MAP3K1: variants seen among roughly 807,000 people sequenced by gnomAD.
The protein encoded by MAP3K1 is mitogen-activated protein kinase kinase kinase 1, also known as MAP/ERK kinase kinase 1.
In MAP3K1, 36 loss-of-function variants were observed where a neutral mutation model predicts 144.2. The observed-to-expected ratio is 0.25, with a 90% confidence interval of 0.19 to 0.33. The LOEUF is 0.33. MAP3K1 is among the 10% of genes least tolerant of loss of function. MAP3K1 has a pLI of 1.00. For synonymous variants in MAP3K1, 718 were observed against 688.7 expected, an observed-to-expected ratio of 1.04 and a Z score of -0.67; for missense variants, 1,650 against 1,881.9, an observed-to-expected ratio of 0.88 and a Z score of 2.28.
intron 1 of MAP3K1, among the ~76,000 whole-genome samples, chr5:56,854,123 C>T (rs926648249): frequency 6.6e-6 from 1 of 152,102 alleles, no homozygotes; most frequent in Non-Finnish European, 1.5e-5. Context: ...TTTAACCCAG[C>T]ATTTCCATTT....
At chr5:56,840,871 T>G (rs911011237) in intron 1 of MAP3K1, among the ~76,000 whole-genome samples, 35 of 104,636 alleles carry the variant, frequency 3.3e-4, no homozygotes, top group African/African-American at 1.2e-3. Context: ...ATTGTTAAGG[T>G]TTTTTTTTTT....
chr5:56,891,546 G>A (rs1358693098), intron 19 of MAP3K1, among the ~76,000 whole-genome samples: 1 of 152,154 alleles, frequency 6.6e-6, no homozygotes, highest in East Asian at 1.9e-4. Flanking sequence ...AGTTTAATTA[G>A]ATCCCATTTG....
chr5:56,815,733 C>A lies in MAP3K1; in HGVS notation c.160C>A (p.Arg54=). ...LREAGSGGRE[R]ADWRRRQLRK... is the part of the protein sequence containing the mutation. ...GGAGGCGGGCAGCGGGGGCCGCGAGCGGGCGGACTGGCGGCGGCGGCAGCT... is the reference window on the plus strand; with the variant it reads ...GGAGGCGGGCAGCGGGGGCCGCGAGAGGGCGGACTGGCGGCGGCGGCAGCT... Residue 54 remains arginine (R), a synonymous_variant, in exon 1 of 20, where the codon CGG becomes AGG. Transcript: ENST00000399503. 1 of 1,344,254 alleles carries A rather than the reference C, an allele frequency of 7.4e-7. No individual in the cohort carries two copies. Among genetic ancestry groups the A allele is most frequent in the Non-Finnish European group, 9.6e-7 (1 of 1,046,142 alleles). The allele number at this position is 1,344,254 out of a possible 1,614,324, so 83.3% of individuals were successfully genotyped here.
At chr5:56,830,945 G>T in intron 1 of MAP3K1, among the ~76,000 whole-genome samples, 2 of 150,408 alleles carry the variant, frequency 1.3e-5, no homozygotes. Context: ...CACTATGAGA[G>T]ATTGCCTACA....
chr5:56,877,647 T>G (rs1008057990), intron 10 of MAP3K1, among the ~76,000 whole-genome samples: 6 of 152,132 alleles, frequency 3.9e-5, no homozygotes, highest in Non-Finnish European at 8.8e-5. Flanking sequence ...CACATTAACA[T>G]TAATCACAAT....
intron 1 of MAP3K1, among the ~76,000 whole-genome samples, chr5:56,826,664 C>T (rs78409762): frequency 1.3e-5 from 2 of 152,360 alleles, no homozygotes; most frequent in East Asian, 3.9e-4. Flanking sequence ...TCCCAGCAAG[C>T]TGACAGGTTG....
At chr5:56,887,266 A>C in intron 17 of MAP3K1, 112 bp from the exon 18 acceptor site, 8 of 940,270 alleles carry the variant, frequency 8.5e-6, no homozygotes, top group South Asian at 1.4e-5. Flanking sequence ...TCTGACATGT[A>C]GTTCACTTCT....
Position 56,884,824 on chromosome 5 carries a change from C to T in MAP3K1, c.3980C>T (p.Ala1327Val). Reference protein sequence around the residue: ...SNYNLFIEWMAGGSVAHLLSK... With the variant: ...SNYNLFIEWMVGGSVAHLLSK... ...TACAATCTCTTCATTGAATGGATGG[C>T]AGGTATGTTAATGTTTTAAATTACA... The change falls in exon 16 of 20, where the codon GCA (alanine) becomes GTA (valine). Residue 1327 changes from alanine to valine, a missense_variant and splice_region_variant. Transcript: ENST00000399503. 6.2e-7 allele frequency: 1 copy of T among 1,612,974 alleles called. No individual in the cohort carries two copies. Among genetic ancestry groups the T allele is most frequent in the Non-Finnish European group, 8.5e-7 (1 of 1,179,220 alleles).
In MAP3K1 at chr5:56,893,757, A is replaced by AGCTG. The variant is rs1465328496; in HGVS notation, c.*77_*78insGCTG. Reference sequence around the variant, plus strand: ...AAAACTTGTGGGGAACCACATTGATATTCTACTGGCCATGATGCCACTGAA... The same window carrying AGCTG: ...AAAACTTGTGGGGAACCACATTGATAGCTGTTCTACTGGCCATGATGCCACTGAA... On this transcript the variant is annotated 3_prime_UTR_variant, in exon 20 of 20. Coordinates refer to ENST00000399503, the MANE Select transcript of MAP3K1 (RefSeq NM_005921.2). The AGCTG allele has an allele frequency of 1.3e-6, 2 of 1,496,224 alleles. No homozygotes were observed. Among genetic ancestry groups the AGCTG allele is most frequent in the Non-Finnish European group, 1.8e-6 (2 of 1,086,330 alleles). The allele number at this position is 1,496,224 out of a possible 1,614,324, so 92.7% of individuals were successfully genotyped here. A position where few individuals can be genotyped will look rare whatever the true frequency, so the allele number is the denominator to read the frequency against.
At chr5:56,839,247 C>T (rs1036569312) in intron 1 of MAP3K1, among the ~76,000 whole-genome samples, 11 of 152,192 alleles carry the variant, frequency 7.2e-5, no homozygotes, top group East Asian at 1.9e-4. Context: ...TTGAGAATTT[C>T]GCATAGTCAT....
Position 56,882,086 on chromosome 5 carries a change from C to G in MAP3K1, c.2886C>G (p.Pro962=), listed in dbSNP as rs201198197. 5,864 of 1,614,098 alleles carry G rather than the reference C, an allele frequency of 3.6e-3. 14 individuals are homozygous for G. Among genetic ancestry groups the G allele is most frequent in the Non-Finnish European group, 4.5e-3 (5,293 of 1,180,024 alleles). The change falls in exon 14 of 20, where the codon CCC becomes CCG. Residue 962 remains proline (P), a synonymous_variant. Transcript: ENST00000399503. Reference sequence around the variant, plus strand: ...CAATGGTTCAAACAAAAGGCAGACCCCACAGTCAGTGTTTGAACTCCTCTC... The same window carrying G: ...CAATGGTTCAAACAAAAGGCAGACCGCACAGTCAGTGTTTGAACTCCTCTC... ...PKPMVQTKGR[P]HSQCLNSSPL...
chr5:56,895,137 A>C lies in MAP3K1; in HGVS notation c.*1457A>C. The C allele has an allele frequency of 4.3e-6, 1 of 231,580 alleles. No individual in the cohort carries two copies. The highest frequency in any genetic ancestry group is 8.5e-6 in the Non-Finnish European group (1 of 116,974). 14.3% of individuals were successfully genotyped at this position (231,580 alleles called of 1,614,324 possible). On this transcript the variant is annotated 3_prime_UTR_variant, in exon 20 of 20. Transcript: ENST00000399503. ...ATAAGCTATATATAGAGTACATTTA[A>C]AATGTACAACACAAATTGGAAATAA...
At chr5:56,851,166 G>T (rs752473691) in intron 1 of MAP3K1, among the ~76,000 whole-genome samples, 2 of 152,186 alleles carry the variant, frequency 1.3e-5, no homozygotes, top group East Asian at 3.9e-4. Flanking sequence ...GGCTGGTCTC[G>T]AACTCCCAAC....
rs751740782 is a variant in MAP3K1, at chr5:56,893,586, G to A, written c.4445G>A (p.Arg1482Gln). ...CCTTCACATTTGTCTCCTGGTTTACGAGATGTGGCTCTTCGTTGTTTAGAA... is the reference window on the plus strand; with the variant it reads ...CCTTCACATTTGTCTCCTGGTTTACAAGATGTGGCTCTTCGTTGTTTAGAA... ...SIPSHLSPGL[R>Q]DVALRCLELQ... Residue 1482 changes from arginine (R) to glutamine (Q), a missense_variant, in exon 20 of 20, where the codon CGA (arginine) becomes CAA (glutamine). Arg to Gln is a conservative substitution (Grantham distance 43). Coordinates refer to ENST00000399503, the MANE Select transcript of MAP3K1 (RefSeq NM_005921.2). 1.2e-5 allele frequency: 20 copies of A among 1,613,852 alleles called. No homozygotes were observed. The highest frequency in any genetic ancestry group is 2.2e-5 in the East Asian group (1 of 44,894).
chr5:56,815,716 G>A lies in MAP3K1; in HGVS notation c.143G>A (p.Gly48Asp), dbSNP rs745954108. The A allele has an allele frequency of 9.8e-6, 13 of 1,330,522 alleles. No homozygotes were observed. The highest frequency in any genetic ancestry group is 3.1e-5 in the Admixed American group (1 of 32,704). The allele number at this position is 1,330,522 out of a possible 1,614,324, so 82.4% of individuals were successfully genotyped here. Residue 48 changes from glycine to aspartate, a missense_variant, in exon 1 of 20, where the codon GGC becomes GAC. Physicochemically the swap from Gly to Asp is moderately conservative, Grantham distance 94. Transcript: ENST00000399503. ...GCCGCGGGACTGCTGCGGGAGGCGG[G>A]CAGCGGGGGCCGCGAGCGGGCGGAC... is the stretch of plus-strand genomic sequence containing the variant. The part of the protein sequence containing the change: ...AAAAGLLREA[G>D]SGGRERADWR...
At position 56,816,767 on chromosome 5, in the gene MAP3K1, G is replaced by A. The variant is rs145021294; in HGVS notation, c.482+712G>A. On this transcript the variant is annotated intron_variant, in intron 1 of 19. Transcript: ENST00000399503. ...GGAGGCTTGCAGTCTTTTAGGAAGTGCGGTTTGTCTAATTGCAGCCCCCAA... is the reference window on the plus strand; with the variant it reads ...GGAGGCTTGCAGTCTTTTAGGAAGTACGGTTTGTCTAATTGCAGCCCCCAA... 5.0e-3 allele frequency among the ~76,000 whole-genome samples: 764 copies of A among 152,356 alleles called. 3 individuals carry two copies. Among genetic ancestry groups the A allele is most frequent in the Non-Finnish European group, 8.0e-3 (545 of 68,028 alleles).
chr5:56,815,707 G>C lies in MAP3K1; in HGVS notation c.134G>C (p.Arg45Pro). Reference sequence around the variant, plus strand: ...CCCGCGGCTGCCGCGGGACTGCTGCGGGAGGCGGGCAGCGGGGGCCGCGAG... The same window carrying C: ...CCCGCGGCTGCCGCGGGACTGCTGCCGGAGGCGGGCAGCGGGGGCCGCGAG... ...SAPAAAAGLL[R>P]EAGSGGRERA... The change falls in exon 1 of 20, where the codon CGG (arginine) becomes CCG (proline). Residue 45 changes from arginine (R) to proline (P), a missense_variant. Coordinates refer to ENST00000399503, the MANE Select transcript of MAP3K1 (RefSeq NM_005921.2). 7.5e-7 allele frequency: 1 copy of C among 1,325,478 alleles called. No individual in the cohort carries two copies. Among genetic ancestry groups the C allele is most frequent in the Non-Finnish European group, 9.6e-7 (1 of 1,039,498 alleles). 82.1% of individuals were successfully genotyped at this position (1,325,478 alleles called of 1,614,324 possible). A position where few individuals can be genotyped will look rare whatever the true frequency, so the allele number is the denominator to read the frequency against.
intron 18 of MAP3K1, 130 bp from the exon 19 acceptor site, chr5:56,888,096 T>C: frequency 1.3e-6 from 1 of 758,288 alleles, no homozygotes; most frequent in Non-Finnish European, 2.3e-6. Flanking sequence ...AATTAGATAT[T>C]AGGTAGTCCA....
At chr5:56,890,666 A>C (rs1257787988) in intron 19 of MAP3K1, among the ~76,000 whole-genome samples, 1 of 152,158 alleles carries the variant, frequency 6.6e-6, no homozygotes, top group Non-Finnish European at 1.5e-5. Flanking sequence ...TATCCACACT[A>C]TACAGAAATT....
Sources: allele counts gnomAD v4.1 joint callset (sites outside exome capture counted in the v4.1 genomes callset), GRCh38; gene constraint gnomAD v4.1.1; transcripts MANE v1.5; gene names NCBI Gene and HGNC (gene_info 2026-07-23, HGNC 2026-07-21).